ZNF407: variants seen among roughly 807,000 people sequenced by gnomAD.
ZNF407 encodes zinc finger protein 407.
A neutral mutation model predicts 131.2 loss-of-function variants in ZNF407; 17 were observed. That is an observed-to-expected ratio of 0.13 (90% CI 0.09 to 0.19). The LOEUF (loss-of-function observed/expected upper bound fraction) is 0.19. Ranked by LOEUF, ZNF407 falls within the 10% of genes least tolerant of loss-of-function variation. The pLI is 1.00. For missense variants in ZNF407, 2,681 were observed against 2,830.6 expected, an observed-to-expected ratio of 0.95 and a Z score of 1.20; for synonymous variants, 1,156 against 1,062.0, an observed-to-expected ratio of 1.09 and a Z score of -1.72.
chr18:74,830,590 TTTTAATTGACGAATA>T (rs1970468622), intron 4 of ZNF407, among the ~76,000 whole-genome samples: 1 of 152,216 alleles, frequency 6.6e-6, no homozygotes, highest in Admixed American at 6.5e-5. Context: ...GATTTAATTT[TTTTAATTGACGAATA>T]ATGTTTGTAC....
At chr18:75,057,490 AC>A (rs1973574442) in intron 8 of ZNF407, among the ~76,000 whole-genome samples, 1 of 152,098 alleles carries the variant, frequency 6.6e-6, no homozygotes, top group Non-Finnish European at 1.5e-5. Flanking sequence ...TTTTTTTTAA[AC>A]CAAGCTGAGG....
intron 1 of ZNF407, among the ~76,000 whole-genome samples, chr18:74,609,987 CTA>C (rs1982983667): frequency 6.6e-6 from 1 of 152,132 alleles, no homozygotes; most frequent in Non-Finnish European, 1.5e-5. Flanking sequence ...TAAATTGTCT[CTA>C]TTCTCAAAAC....
intron 4 of ZNF407, among the ~76,000 whole-genome samples, chr18:74,793,225 G>A (rs1969858395): frequency 6.6e-6 from 1 of 152,222 alleles, no homozygotes; most frequent in Non-Finnish European, 1.5e-5. Flanking sequence ...AACTGCTGGA[G>A]TTGGTGTAGA....
chr18:75,023,749 ATAGAG>A (rs1418573320), intron 8 of ZNF407, among the ~76,000 whole-genome samples: 1 of 152,202 alleles, frequency 6.6e-6, no homozygotes, highest in Admixed American at 6.5e-5. Context: ...TATTGGTGGT[ATAGAG>A]TAATTTAGTC....
intron 3 of ZNF407, among the ~76,000 whole-genome samples, chr18:74,744,443 A>G (rs554090226): frequency 7.9e-5 from 12 of 152,186 alleles, no homozygotes; most frequent in African/African-American, 2.9e-4. Flanking sequence ...ATAGTTTTTC[A>G]TTTTTATTTT....
At chr18:74,701,488 A>G (rs983336004) in intron 3 of ZNF407, among the ~76,000 whole-genome samples, 5 of 152,186 alleles carry the variant, frequency 3.3e-5, no homozygotes, top group African/African-American at 1.2e-4. Context: ...TATGTATACC[A>G]TAGACAGACA....
chr18:74,664,275 G>C (rs1985839233), intron 3 of ZNF407, among the ~76,000 whole-genome samples: 1 of 152,204 alleles, frequency 6.6e-6, no homozygotes, highest in Non-Finnish European at 1.5e-5. Context: ...CGAGGCGAGT[G>C]GATCACCTGA....
intron 7 of ZNF407, among the ~76,000 whole-genome samples, chr18:74,891,857 A>G (rs889924171): frequency 3.9e-5 from 6 of 152,116 alleles, no homozygotes; most frequent in African/African-American, 1.2e-4. Context: ...TACTCTATGC[A>G]TAAGGTTTTT....
At chr18:75,035,634 G>A (rs1024732923) in intron 8 of ZNF407, among the ~76,000 whole-genome samples, 2 of 152,204 alleles carry the variant, frequency 1.3e-5, no homozygotes, top group Non-Finnish European at 2.9e-5. Flanking sequence ...GTGAGAAACT[G>A]CCATGCACAG....
chr18:74,813,961 G>C (rs1432078570), intron 4 of ZNF407, among the ~76,000 whole-genome samples: 1 of 152,116 alleles, frequency 6.6e-6, no homozygotes, highest in Non-Finnish European at 1.5e-5. Context: ...AATAGTAGAA[G>C]GAAAGTGATG....
intron 8 of ZNF407, among the ~76,000 whole-genome samples, chr18:75,002,808 A>G (rs1972863682): frequency 6.6e-6 from 1 of 150,826 alleles, no homozygotes; most frequent in South Asian, 2.1e-4. Context: ...CCGGCTCAAA[A>G]AAAAAAAAAA....
intron 8 of ZNF407, among the ~76,000 whole-genome samples, chr18:74,990,123 G>C (rs895385926): frequency 6.6e-6 from 1 of 152,114 alleles, no homozygotes; most frequent in Non-Finnish European, 1.5e-5. Flanking sequence ...TATTTTTAAG[G>C]ATAATTGCAG....
chr18:74,795,953 C>T (rs900020019), intron 4 of ZNF407, among the ~76,000 whole-genome samples: 9 of 152,330 alleles, frequency 5.9e-5, no homozygotes, highest in East Asian at 1.9e-4. Context: ...TGTGCACACG[C>T]GCACACACGC....
At chr18:74,982,680 C>G (rs551100511) in intron 8 of ZNF407, among the ~76,000 whole-genome samples, 1 of 152,332 alleles carries the variant, frequency 6.6e-6, no homozygotes, top group East Asian at 1.9e-4. Flanking sequence ...TGTTTCCTCT[C>G]TTCATCCCAC....
At chr18:75,025,841 T>C (rs545824370) in intron 8 of ZNF407, among the ~76,000 whole-genome samples, 23 of 152,348 alleles carry the variant, frequency 1.5e-4, no homozygotes, top group African/African-American at 5.1e-4. Flanking sequence ...TGTTCCCCTT[T>C]GGCCTCCTAA....
At chr18:74,754,043 A>G (rs961948049) in intron 3 of ZNF407, among the ~76,000 whole-genome samples, 3 of 152,158 alleles carry the variant, frequency 2.0e-5, no homozygotes, top group African/African-American at 7.2e-5. Context: ...TGGTCTATTC[A>G]GGGATTCAAC....
At chr18:74,841,331 G>A (rs1000905009) in intron 4 of ZNF407, among the ~76,000 whole-genome samples, 2 of 152,188 alleles carry the variant, frequency 1.3e-5, no homozygotes, top group African/African-American at 4.8e-5. Flanking sequence ...CCAGCCTCAG[G>A]GGGGCTGCTA....
At chr18:75,009,789 C>T (rs559316315) in intron 8 of ZNF407, among the ~76,000 whole-genome samples, 1 of 152,166 alleles carries the variant, frequency 6.6e-6, no homozygotes. Flanking sequence ...TGAACCTATT[C>T]AGGTTGATTC....
intron 3 of ZNF407, among the ~76,000 whole-genome samples, chr18:74,692,004 A>G (rs549527267): frequency 3.9e-5 from 6 of 152,132 alleles, no homozygotes; most frequent in African/African-American, 9.6e-5. Context: ...TAGGGTGGGA[A>G]GATCACCTGA....
Sources: allele counts gnomAD v4.1 joint callset (sites outside exome capture counted in the v4.1 genomes callset), GRCh38; gene constraint gnomAD v4.1.1; transcripts MANE v1.5; gene names NCBI Gene and HGNC (gene_info 2026-07-23, HGNC 2026-07-21).